DMD: variants seen among roughly 807,000 people sequenced by gnomAD.
DMD encodes the protein mutant dystrophin.
Under a neutral mutation model 330.1 loss-of-function variants are expected in DMD, and 63 were observed. The observed-to-expected ratio is 0.19, with a 90% CI of 0.16 to 0.24. DMD has a LOEUF of 0.24. Among genes scored for constraint, DMD ranks in the 10% least tolerant of loss-of-function variants. The pLI is 1.00. For synonymous variants in DMD, 1,223 were observed against 959.8 expected (o/e 1.27, Z -5.07); for missense variants, 3,344 against 2,684.1 (o/e 1.25, Z -5.43).
intron 43 of DMD, among the ~76,000 whole-genome samples, chrX:32,272,608 G>A (rs1377937139): frequency 9.0e-6 from 1 of 111,475 alleles, no homozygotes. Flanking sequence ...CATAACTGGG[G>A]TCACGATATA....
chrX:33,196,141 T>A (rs2050921062), intron 1 of DMD, among the ~76,000 whole-genome samples: 1 of 111,774 alleles, frequency 8.9e-6, no homozygotes, highest in Admixed American at 9.6e-5. Flanking sequence ...AAAATAATAT[T>A]AATAGTCATT....
intron 7 of DMD, among the ~76,000 whole-genome samples, chrX:32,802,724 G>A (rs2076668201): frequency 8.9e-6 from 1 of 111,946 alleles, no homozygotes; most frequent in African/African-American, 3.2e-5. Flanking sequence ...CATCTATTGA[G>A]ATAATCATGT....
At chrX:32,804,296 C>T (rs1052436208) in intron 7 of DMD, among the ~76,000 whole-genome samples, 4 of 112,022 alleles carry the variant, frequency 3.6e-5, no homozygotes, top group African/African-American at 9.7e-5. Flanking sequence ...GAGGGAGGGG[C>T]GTCCGCCATT....
intron 49 of DMD, among the ~76,000 whole-genome samples, chrX:31,826,299 A>G (rs1284559471): frequency 8.9e-6 from 1 of 112,018 alleles, no homozygotes; most frequent in African/African-American, 3.2e-5. Flanking sequence ...GGACACTGCA[A>G]TGGGTCAAAG....
intron 1 of DMD, among the ~76,000 whole-genome samples, chrX:33,254,747 A>G (rs1372660078): frequency 9.0e-6 from 1 of 110,777 alleles, no homozygotes; most frequent in Non-Finnish European, 1.9e-5. Flanking sequence ...CAAAATTTGG[A>G]CAAGATTGAG....
At chrX:31,362,761 G>A (rs769549921) in intron 60 of DMD, among the ~76,000 whole-genome samples, 93 of 112,543 alleles carry the variant, frequency 8.3e-4, no homozygotes, top group Non-Finnish European at 1.3e-3. Context: ...TGGCTAACAC[G>A]GTGAAACCCC....
At chrX:32,760,806 G>A (rs1224527854) in intron 7 of DMD, among the ~76,000 whole-genome samples, 11 of 111,431 alleles carry the variant, frequency 9.9e-5, no homozygotes, top group African/African-American at 3.3e-4. Context: ...TAGCTATCCT[G>A]GGTTCCTAGC....
At chrX:32,710,464 T>A (rs2065088402) in intron 7 of DMD, among the ~76,000 whole-genome samples, 1 of 111,223 alleles carries the variant, frequency 9.0e-6, no homozygotes, top group East Asian at 2.8e-4. Flanking sequence ...AAAGAAGCAT[T>A]AATTTCCAAA....
At chrX:33,008,466 G>T (rs1329088618) in intron 2 of DMD, among the ~76,000 whole-genome samples, 1 of 110,648 alleles carries the variant, frequency 9.0e-6, no homozygotes, top group Non-Finnish European at 1.9e-5. Context: ...AAGACCTTCA[G>T]AGTGTCACTA....
At chrX:32,618,683 C>T (rs760076401) in intron 11 of DMD, among the ~76,000 whole-genome samples, 10 of 111,157 alleles carry the variant, frequency 9.0e-5, no homozygotes, top group African/African-American at 2.0e-4. Context: ...TAGTAATTAA[C>T]GATATCTTTG....
intron 18 of DMD, among the ~76,000 whole-genome samples, chrX:32,502,225 T>C (rs997766572): frequency 1.8e-4 from 20 of 111,443 alleles, no homozygotes; most frequent in Admixed American, 1.6e-3. Context: ...AATAAGTATA[T>C]AGGCGGTATT....
chrX:32,167,248 A>C (rs1406393850), intron 44 of DMD, among the ~76,000 whole-genome samples: 2 of 112,460 alleles, frequency 1.8e-5, no homozygotes, highest in Non-Finnish European at 3.8e-5. Flanking sequence ...GCTGGTTTTA[A>C]CTCTGCACGT....
chrX:32,770,113 G>A (rs748260369), intron 7 of DMD, among the ~76,000 whole-genome samples: 1 of 111,951 alleles, frequency 8.9e-6, no homozygotes, highest in East Asian at 2.8e-4. Context: ...AACACATGGT[G>A]GGAAGCAATA....
chrX:31,583,153 T>A (rs184363414), intron 55 of DMD, among the ~76,000 whole-genome samples: 327 of 112,250 alleles, frequency 2.9e-3, no homozygotes, highest in Non-Finnish European at 4.8e-3. Context: ...GTGGTCTAAA[T>A]ATAGAAGTTC....
chrX:33,225,106 G>C (rs1454869292), intron 1 of DMD, among the ~76,000 whole-genome samples: 1 of 111,218 alleles, frequency 9.0e-6, no homozygotes, highest in Non-Finnish European at 1.9e-5. Context: ...ATTCAACACA[G>C]TAATGTCAAT....
intron 37 of DMD, among the ~76,000 whole-genome samples, chrX:32,351,318 T>A (rs1448509024): frequency 1.8e-5 from 2 of 110,806 alleles, no homozygotes; most frequent in East Asian, 5.6e-4. Flanking sequence ...AATGAGTCTT[T>A]ATTTTACCAA....
intron 61 of DMD, among the ~76,000 whole-genome samples, chrX:31,347,014 AAAAAAAAAAAAAAAAAAAAAAAG>A (rs1383649174): frequency 3.9e-5 from 3 of 77,598 alleles, no homozygotes; most frequent in South Asian, 1.2e-3. Context: ...AAAAAAAAAA[AAAAAAAAAAAAAAAAAAAAAAAG>A]GAAGGATGCA....
chrX:31,347,427 T>C (rs1369267982), intron 61 of DMD, among the ~76,000 whole-genome samples: 1 of 111,535 alleles, frequency 9.0e-6, no homozygotes, highest in African/African-American at 3.3e-5. Context: ...GCCACTAGTA[T>C]CTATCATTCT....
intron 9 of DMD, among the ~76,000 whole-genome samples, chrX:32,648,517 T>C (rs1169927000): frequency 1.8e-5 from 2 of 111,759 alleles, no homozygotes; most frequent in South Asian, 7.4e-4. Context: ...ATTGTCTCAA[T>C]TTTTGTTTCA....
Sources: gnomAD v4.1 joint callset for allele counts (sites outside exome capture counted in the v4.1 genomes callset) on GRCh38, gnomAD v4.1.1 for gene constraint, MANE v1.5 for transcripts, NCBI Gene and HGNC (gene_info 2026-07-23, HGNC 2026-07-21) for gene names.